C12orf54: variants seen among roughly 807,000 people sequenced by gnomAD.
C12orf54 encodes chromosome 12 open reading frame 54, also known as uncharacterized protein C12orf54.
C12orf54 carries 24 observed loss-of-function variants against 26.4 expected under a neutral mutation model. That is an observed-to-expected ratio of 0.91 (90% CI 0.66 to 1.28). C12orf54 has a LOEUF of 1.28. Among genes scored for constraint, C12orf54 ranks in the 50% most tolerant of loss-of-function variants. The pLI, the probability that C12orf54 is intolerant of heterozygous loss-of-function variation, is 0.00. For synonymous variants in C12orf54, 54 were observed against 47.0 expected, an observed-to-expected ratio of 1.15 and a Z score of -0.61; for missense variants, 154 against 150.9, an observed-to-expected ratio of 1.02 and a Z score of -0.11.
chr12:48,487,003 G>A (rs764606388), intron 4 of C12orf54, among the ~76,000 whole-genome samples: 3 of 152,164 alleles, frequency 2.0e-5, no homozygotes, highest in African/African-American at 7.2e-5. Context: ...CCAATTCTCA[G>A]TGATTGCTAC....
intron 7 of C12orf54, among the ~76,000 whole-genome samples, chr12:48,493,438 C>A (rs1190334905): frequency 6.6e-6 from 1 of 151,898 alleles, no homozygotes; most frequent in Admixed American, 6.6e-5. Context: ...GAGTTCGACA[C>A]AGTGAGACCT....
chr12:48,491,672 G>T (rs930338514), intron 6 of C12orf54, among the ~76,000 whole-genome samples: 1 of 152,154 alleles, frequency 6.6e-6, no homozygotes, highest in Non-Finnish European at 1.5e-5. Flanking sequence ...GGGTGGTCAA[G>T]TTACAGTTTT....
chr12:48,455,020 GTCAC>G, the C12orf54 span, among the ~76,000 whole-genome samples: 1 of 152,180 alleles, frequency 6.6e-6, no homozygotes, highest in Admixed American at 6.5e-5. Context: ...TAAATTGCGT[GTCAC>G]TGGAGTTTGG....
intron 2 of C12orf54, 150 bp from the exon 3 acceptor site, chr12:48,486,028 A>T: frequency 1.5e-6 from 1 of 667,936 alleles, no homozygotes; most frequent in Non-Finnish European, 2.6e-6. Context: ...CCATAAAGGG[A>T]TATGAGAGGC....
the C12orf54 span, among the ~76,000 whole-genome samples, chr12:48,475,660 A>G: frequency 6.6e-6 from 1 of 152,238 alleles, no homozygotes; most frequent in Non-Finnish European, 1.5e-5. Flanking sequence ...TGGAAGATGA[A>G]ATGAATGAAA....
the C12orf54 span, among the ~76,000 whole-genome samples, chr12:48,415,211 A>G: frequency 6.6e-6 from 1 of 152,184 alleles, no homozygotes; most frequent in African/African-American, 2.4e-5. Flanking sequence ...TTCACGTACT[A>G]AAAACAAACA....
chr12:48,462,504 G>A, the C12orf54 span, among the ~76,000 whole-genome samples: 1 of 151,348 alleles, frequency 6.6e-6, no homozygotes, highest in Admixed American at 6.6e-5. Flanking sequence ...ATTTTATCAA[G>A]CAAATTTCAT....
At chr12:48,445,847 G>A in the C12orf54 span, among the ~76,000 whole-genome samples, 1 of 152,162 alleles carries the variant, frequency 6.6e-6, no homozygotes, top group Non-Finnish European at 1.5e-5. Context: ...AGGAGGAAGC[G>A]AAGTGATGTT....
At chr12:48,484,432 G>T (rs1038815816) in intron 2 of C12orf54, among the ~76,000 whole-genome samples, 2 of 152,174 alleles carry the variant, frequency 1.3e-5, no homozygotes, top group Non-Finnish European at 2.9e-5. Context: ...ACTTCTATAT[G>T]AGAAAGCACA....
chr12:48,434,892 T>A, the C12orf54 span, among the ~76,000 whole-genome samples: 2 of 151,946 alleles, frequency 1.3e-5, no homozygotes, highest in Admixed American at 1.3e-4. Context: ...TCACCAGCAA[T>A]GGAACAAAGC....
chr12:48,432,274 A>T, the C12orf54 span, among the ~76,000 whole-genome samples: 2 of 152,204 alleles, frequency 1.3e-5, no homozygotes, highest in African/African-American at 4.8e-5. Flanking sequence ...GACAGACACT[A>T]TACAGTACTG....
the C12orf54 span, among the ~76,000 whole-genome samples, chr12:48,461,095 C>T: frequency 6.6e-6 from 1 of 151,852 alleles, no homozygotes; most frequent in African/African-American, 2.4e-5. Flanking sequence ...CGTGCTGACA[C>T]TAATCAAAAT....
intron 8 of C12orf54, 82 bp downstream of exon 8, chr12:48,495,061 A>G (rs1937882693): frequency 9.5e-7 from 1 of 1,053,678 alleles, no homozygotes; most frequent in East Asian, 2.4e-5. Context: ...TTAGGCCCTC[A>G]TCCCAACATG....
intron 4 of C12orf54, 99 bp downstream of exon 4, chr12:48,486,825 T>A (rs1937656872): frequency 2.4e-6 from 3 of 1,260,486 alleles, no homozygotes; most frequent in Non-Finnish European, 3.4e-6. Context: ...CTTGAGCGGT[T>A]TGTTGATTGA....
chr12:48,491,800 C>A (rs914128807), intron 6 of C12orf54, among the ~76,000 whole-genome samples: 1 of 152,156 alleles, frequency 6.6e-6, no homozygotes, highest in African/African-American at 2.4e-5. Flanking sequence ...CAAGAAAGAA[C>A]TTACAAATTG....
At chr12:48,476,752 C>T in the C12orf54 span, among the ~76,000 whole-genome samples, 14 of 152,080 alleles carry the variant, frequency 9.2e-5, no homozygotes, top group Admixed American at 9.2e-4. Flanking sequence ...AAAGCAAGTC[C>T]TTAGAGACCT....
At chr12:48,479,913 GCC>G (rs1954181339), upstream of C12orf54, among the ~76,000 whole-genome samples, 2 of 152,056 alleles carry the variant, frequency 1.3e-5, no homozygotes, top group Non-Finnish European at 2.9e-5. Flanking sequence ...AGTCCAACAG[GCC>G]ATTGATCTTT....
chr12:48,423,954 A>G, the C12orf54 span, among the ~76,000 whole-genome samples: 5 of 152,202 alleles, frequency 3.3e-5, no homozygotes, highest in Non-Finnish European at 7.4e-5. Flanking sequence ...TCCTTTAAAT[A>G]TAATGGTAGA....
chr12:48,478,615 G>A (rs1169057188), upstream of C12orf54, among the ~76,000 whole-genome samples: 2 of 152,048 alleles, frequency 1.3e-5, no homozygotes. Context: ...CAGACAAACA[G>A]AGAGCCAAAT....
Sources: allele counts gnomAD v4.1 joint callset (sites outside exome capture counted in the v4.1 genomes callset), GRCh38; gene constraint gnomAD v4.1.1; transcripts MANE v1.5; gene names NCBI Gene and HGNC (gene_info 2026-07-23, HGNC 2026-07-21).